TFDP2: variants seen among roughly 807,000 people sequenced by gnomAD.
The protein encoded by TFDP2 is transcription factor Dp-2 (E2F dimerization partner 2).
In TFDP2, 17 loss-of-function variants were observed where a neutral mutation model predicts 59.3. That is an observed-to-expected ratio of 0.29 (90% CI 0.20 to 0.43). TFDP2 has a LOEUF of 0.43. Ranked by LOEUF, TFDP2 falls within the 20% of genes least tolerant of loss-of-function variation. The pLI is 1.00. For missense variants in TFDP2, 391 were observed against 528.8 expected, an observed-to-expected ratio of 0.74 and a Z score of 2.56; for synonymous variants, 180 against 194.7, an observed-to-expected ratio of 0.92 and a Z score of 0.63.
intron 1 of TFDP2, chr3:142,145,611 C>T (rs994370750): frequency 2.0e-5 from 3 of 151,892 alleles, no homozygotes; most frequent in Admixed American, 1.3e-4. Flanking sequence ...TGGTGGCAAG[C>T]GCCTGCAGAC....
At chr3:142,018,372 ACC>A (rs939459256) in intron 3 of TFDP2, among the ~76,000 whole-genome samples, 1 of 152,146 alleles carries the variant, frequency 6.6e-6, no homozygotes, top group African/African-American at 2.4e-5. Context: ...ATATTTCTTT[ACC>A]CACATTACTT....
chr3:141,987,948 AG>A (rs1388471226), intron 6 of TFDP2, among the ~76,000 whole-genome samples: 13 of 151,202 alleles, frequency 8.6e-5, no homozygotes, highest in African/African-American at 2.9e-4. Context: ...CAAAAAAAAA[AG>A]AAAAGAAAAA....
intron 3 of TFDP2, among the ~76,000 whole-genome samples, chr3:142,076,248 C>G (rs973178201): frequency 6.6e-6 from 1 of 151,622 alleles, no homozygotes; most frequent in Admixed American, 6.6e-5. Flanking sequence ...AAAGTTTTAT[C>G]CAGAATTTCT....
intron 3 of TFDP2, among the ~76,000 whole-genome samples, chr3:142,042,650 T>TTA (rs1553787000): frequency 2.0e-5 from 2 of 100,128 alleles, no homozygotes; most frequent in East Asian, 5.3e-4. Context: ...TTTTTTTTTT[T>TTA]ACCATTTATT....
At chr3:142,098,444 T>C (rs1292378203) in intron 2 of TFDP2, among the ~76,000 whole-genome samples, 1 of 151,736 alleles carries the variant, frequency 6.6e-6, no homozygotes, top group Non-Finnish European at 1.5e-5. Context: ...CTCTTCCTTT[T>C]GCAAAGTGAT....
chr3:142,080,986 C>T (rs2060621042), intron 3 of TFDP2, among the ~76,000 whole-genome samples: 3 of 152,138 alleles, frequency 2.0e-5, no homozygotes, highest in Admixed American at 1.3e-4. Flanking sequence ...ACCAATTGGA[C>T]CTAATAAGAT....
chr3:142,131,823 T>C (rs979227960), intron 1 of TFDP2, among the ~76,000 whole-genome samples: 1 of 149,590 alleles, frequency 6.7e-6, no homozygotes, highest in African/African-American at 2.5e-5. Context: ...CTGGCCAACA[T>C]GGCAAAATCC....
intron 7 of TFDP2, among the ~76,000 whole-genome samples, chr3:141,976,671 C>T (rs1342312396): frequency 6.6e-6 from 1 of 151,980 alleles, no homozygotes; most frequent in Non-Finnish European, 1.5e-5. Context: ...GTAAATGAGA[C>T]AGTGCATAGC....
chr3:142,123,726 C>T (rs922753739), intron 1 of TFDP2, among the ~76,000 whole-genome samples: 6 of 152,088 alleles, frequency 3.9e-5, no homozygotes, highest in Admixed American at 3.3e-4. Context: ...ACTAAAGAAA[C>T]AATCCCATTA....
intron 10 of TFDP2, among the ~76,000 whole-genome samples, chr3:141,960,749 A>T (rs901655863): frequency 1.4e-5 from 2 of 147,782 alleles, no homozygotes; most frequent in African/African-American, 2.5e-5. Flanking sequence ...ATAACAACTT[A>T]AAAAAAAAAA....
chr3:141,984,666 G>A (rs1365053637), intron 6 of TFDP2, among the ~76,000 whole-genome samples: 1 of 152,094 alleles, frequency 6.6e-6, no homozygotes, highest in Non-Finnish European at 1.5e-5. Context: ...GATGGATAGT[G>A]GTGATAGTTG....
intron 10 of TFDP2, among the ~76,000 whole-genome samples, chr3:141,960,131 T>C (rs1242032147): frequency 6.6e-6 from 1 of 152,240 alleles, no homozygotes; most frequent in African/African-American, 2.4e-5. Context: ...ATCCAGTACT[T>C]CTCAAAGTTG....
Position 141,945,202 on chromosome 3 carries a change from T to C in TFDP2, c.*7311A>G. 6.6e-6 allele frequency: 1 copy of C among 151,928 alleles called. No homozygotes were observed. The highest frequency in any genetic ancestry group is 1.5e-5 in the Non-Finnish European group (1 of 68,134). The allele number at this position is 151,928 out of a possible 1,614,324, so 9.4% of individuals were successfully genotyped here. On this transcript the variant is annotated 3_prime_UTR_variant, in exon 13 of 13. Coordinates refer to ENST00000489671, the MANE Select transcript of TFDP2 (RefSeq NM_001178139.2). ...GGAGTGCAAATGGCACGATCTCAGCTCATTGCAACTTTTGCCTCCTGGGTT... is the reference window on the plus strand; with the variant it reads ...GGAGTGCAAATGGCACGATCTCAGCCCATTGCAACTTTTGCCTCCTGGGTT...
chr3:142,045,759 A>G (rs553872341), intron 3 of TFDP2, among the ~76,000 whole-genome samples: 1 of 151,806 alleles, frequency 6.6e-6, no homozygotes, highest in East Asian at 1.9e-4. Flanking sequence ...ACTACAGGCA[A>G]ATGCCACCAT....
intron 10 of TFDP2, among the ~76,000 whole-genome samples, chr3:141,960,876 T>G (rs576496563): frequency 4.7e-4 from 71 of 152,142 alleles, no homozygotes; most frequent in African/African-American, 1.6e-3. Flanking sequence ...AAAGACTGCA[T>G]CACCAAAGTA....
At chr3:142,039,154 ATTTGAG>A (rs1946835619) in intron 3 of TFDP2, among the ~76,000 whole-genome samples, 1 of 152,230 alleles carries the variant, frequency 6.6e-6, no homozygotes, top group African/African-American at 2.4e-5. Flanking sequence ...TGTCATTTAC[ATTTGAG>A]TTTAATTACT....
At chr3:141,960,461 C>T (rs953146433) in intron 10 of TFDP2, among the ~76,000 whole-genome samples, 3 of 152,152 alleles carry the variant, frequency 2.0e-5, no homozygotes, top group African/African-American at 4.8e-5. Flanking sequence ...GCCCAACACA[C>T]GTTAATCAAG....
intron 3 of TFDP2, among the ~76,000 whole-genome samples, chr3:142,032,350 C>T (rs897499791): frequency 1.3e-5 from 2 of 152,076 alleles, no homozygotes; most frequent in Non-Finnish European, 2.9e-5. Flanking sequence ...CTCCTGCCTC[C>T]CTCCAAAGTG....
intron 3 of TFDP2, among the ~76,000 whole-genome samples, chr3:142,084,878 A>C (rs1297126253): frequency 1.4e-5 from 2 of 147,232 alleles, no homozygotes; most frequent in African/African-American, 5.3e-5. Flanking sequence ...TAACGAGTAC[A>C]AAAAAAAACA....
Sources: gnomAD v4.1 joint callset for allele counts (sites outside exome capture counted in the v4.1 genomes callset) on GRCh38, gnomAD v4.1.1 for gene constraint, MANE v1.5 for transcripts, NCBI Gene and HGNC (gene_info 2026-07-23, HGNC 2026-07-21) for gene names.